Variants in CELF4 observed in about 807,000 individuals in gnomAD.
CELF4 encodes CUGBP Elav-like family member 4.
A neutral mutation model predicts 59.9 loss-of-function variants in CELF4; 18 were observed. The ratio of observed to expected loss-of-function variants is 0.30; its 90% CI spans 0.21 to 0.45. CELF4 has a LOEUF of 0.45. Among genes scored for constraint, CELF4 ranks in the 20% least tolerant of loss-of-function variants. The probability of loss-of-function intolerance (pLI) is 1.00; values close to 1 mark genes in which losing one functional copy is unlikely to be tolerated. For missense variants in CELF4, 456 were observed against 689.0 expected (o/e 0.66, Z 3.79); for synonymous variants, 261 against 267.1 (o/e 0.98, Z 0.22).
chr18:37,476,306 C>G (rs1432177970), intron 2 of CELF4, among the ~76,000 whole-genome samples: 3 of 152,240 alleles, frequency 2.0e-5, no homozygotes, highest in African/African-American at 4.8e-5. Flanking sequence ...GTGCTGGGCA[C>G]AGGGTTGGGC....
intron 1 of CELF4, among the ~76,000 whole-genome samples, chr18:37,523,929 G>T (rs1342345968): frequency 1.3e-5 from 2 of 152,216 alleles, no homozygotes; most frequent in African/African-American, 4.8e-5. Flanking sequence ...CAAAACGCCT[G>T]CCCTTTGCAT....
chr18:37,305,432 C>A (rs1013150568), intron 3 of CELF4: 1 of 152,298 alleles, frequency 6.6e-6, no homozygotes, highest in Non-Finnish European at 1.5e-5. Context: ...CAGCAAGTGC[C>A]GGGATAGAAA....
intron 2 of CELF4, among the ~76,000 whole-genome samples, chr18:37,392,620 A>G (rs1474197665): frequency 3.9e-5 from 6 of 152,224 alleles, no homozygotes; most frequent in African/African-American, 1.4e-4. Context: ...TACCTAGTGC[A>G]GTATGGCAGC....
chr18:37,539,474 C>CACAA (rs1557426568), intron 1 of CELF4, among the ~76,000 whole-genome samples: 15 of 36,442 alleles, frequency 4.1e-4, no homozygotes, highest in South Asian at 2.3e-3. Context: ...CACACACAAA[C>CACAA]ACACACACAC....
intron 2 of CELF4, among the ~76,000 whole-genome samples, chr18:37,365,510 G>T (rs2098767167): frequency 8.7e-6 from 1 of 114,752 alleles, no homozygotes; most frequent in Non-Finnish European, 1.7e-5. Context: ...TTTTGAGATG[G>T]AGTCTTGTTC....
intron 2 of CELF4, among the ~76,000 whole-genome samples, chr18:37,407,619 A>G (rs1436271505): frequency 1.3e-5 from 2 of 151,874 alleles, no homozygotes; most frequent in Admixed American, 1.3e-4. Flanking sequence ...ACATATACCC[A>G]CACACATACA....
At chr18:37,555,247 G>C (rs189077158) in intron 1 of CELF4, among the ~76,000 whole-genome samples, 49 of 152,314 alleles carry the variant, frequency 3.2e-4, no homozygotes, top group Non-Finnish European at 1.0e-4. Flanking sequence ...GCCAAGCCAA[G>C]TATTGATTTG....
intron 2 of CELF4, among the ~76,000 whole-genome samples, chr18:37,480,956 A>C (rs1007798840): frequency 1.3e-5 from 2 of 152,214 alleles, no homozygotes; most frequent in African/African-American, 4.8e-5. Context: ...CGGTGCTAGA[A>C]ATCCATTTGA....
chr18:37,502,642 C>T (rs970890587), intron 1 of CELF4, among the ~76,000 whole-genome samples: 1 of 152,146 alleles, frequency 6.6e-6, no homozygotes, highest in African/African-American at 2.4e-5. Context: ...GCAAAGGCAG[C>T]CCCTTGCCAG....
chr18:37,324,698 C>T (rs1299473403), intron 2 of CELF4, among the ~76,000 whole-genome samples: 1 of 152,102 alleles, frequency 6.6e-6, no homozygotes, highest in East Asian at 1.9e-4. Context: ...AATTGACTTG[C>T]AAGTGGAGGT....
At chr18:37,322,851 A>G (rs2097172191) in intron 2 of CELF4, among the ~76,000 whole-genome samples, 1 of 152,192 alleles carries the variant, frequency 6.6e-6, no homozygotes, top group Admixed American at 6.5e-5. Flanking sequence ...TCAGAGAGGT[A>G]GTGGGGCAGG....
chr18:37,558,389 T>A (rs1200747458), intron 1 of CELF4, among the ~76,000 whole-genome samples: 1 of 151,452 alleles, frequency 6.6e-6, no homozygotes, highest in African/African-American at 2.4e-5. Context: ...CAGTTTTTTT[T>A]TTTTTTTTTT....
At chr18:37,326,881 A>C (rs1488700279) in intron 2 of CELF4, among the ~76,000 whole-genome samples, 1 of 152,220 alleles carries the variant, frequency 6.6e-6, no homozygotes, top group Non-Finnish European at 1.5e-5. Context: ...TGCATTAAAC[A>C]AGACATTCCA....
intron 2 of CELF4, among the ~76,000 whole-genome samples, chr18:37,431,044 G>T (rs73947210): frequency 0.02 from 3,081 of 152,252 alleles, 94 homozygotes; most frequent in African/African-American, 0.07. Flanking sequence ...GGCAAGTATA[G>T]GGAGGAAAGG....
chr18:37,303,462 G>A (rs978133570), intron 3 of CELF4, among the ~76,000 whole-genome samples: 5 of 152,160 alleles, frequency 3.3e-5, no homozygotes, highest in African/African-American at 9.7e-5. Context: ...GTCATTTTCA[G>A]CAGTAATTAT....
intron 2 of CELF4, among the ~76,000 whole-genome samples, chr18:37,435,411 G>A (rs1256416191): frequency 6.6e-6 from 1 of 152,156 alleles, no homozygotes; most frequent in African/African-American, 2.4e-5. Flanking sequence ...TGCTGTCAAT[G>A]GTTCTAGTCT....
intron 2 of CELF4, among the ~76,000 whole-genome samples, chr18:37,444,410 G>A (rs1346429070): frequency 6.6e-6 from 1 of 152,120 alleles, no homozygotes; most frequent in Non-Finnish European, 1.5e-5. Context: ...GCAACCGTGG[G>A]AGGAGGCAGC....
At chr18:37,530,755 C>A (rs990045479) in intron 1 of CELF4, among the ~76,000 whole-genome samples, 2 of 152,168 alleles carry the variant, frequency 1.3e-5, no homozygotes, top group African/African-American at 4.8e-5. Context: ...CCGTGCGGCT[C>A]TGTCCTGACA....
chr18:37,495,563 T>G (rs908623685), intron 1 of CELF4, among the ~76,000 whole-genome samples: 3 of 152,130 alleles, frequency 2.0e-5, no homozygotes, highest in African/African-American at 7.2e-5. Flanking sequence ...TGTCATTTGC[T>G]TGGTTGTGTG....
Sources: allele counts gnomAD v4.1 joint callset (sites outside exome capture counted in the v4.1 genomes callset), GRCh38; gene constraint gnomAD v4.1.1; transcripts MANE v1.5; gene names NCBI Gene and HGNC (gene_info 2026-07-23, HGNC 2026-07-21).